IRX2: variants seen among roughly 807,000 people sequenced by gnomAD.
The protein encoded by IRX2 is iroquois-class homeodomain protein IRX-2.
A neutral mutation model predicts 42.9 loss-of-function variants in IRX2; 26 were observed. That is an observed-to-expected ratio of 0.61 (90% CI 0.44 to 0.84). The LOEUF is 0.84. IRX2 is among the 40% of genes least tolerant of loss of function. The pLI, the probability that IRX2 is intolerant of heterozygous loss-of-function variation, is 0.00. For synonymous variants in IRX2, 424 were observed against 353.9 expected (o/e 1.20, Z -2.22); for missense variants, 782 against 713.9 (o/e 1.10, Z -1.09).
chr5:2,751,157 C>G lies in IRX2; in HGVS notation c.249+8G>C, dbSNP rs1737951226. ...CAGGAGTCCCGCGTCCCGCCCGCGC[C>G]CGGTTACCATGTAGGACGGGAAGCC... On this transcript the variant is annotated splice_region_variant and intron_variant, in intron 1 of 3. Transcript: ENST00000302057. This position sits in a 1 kb window ranked among gnomAD's most constrained non-coding sequence, Gnocchi z 4.0. 1 of 1,242,538 alleles carries G rather than the reference C, an allele frequency of 8.0e-7. No individual in the cohort carries two copies. Among genetic ancestry groups the G allele is most frequent in the African/African-American group, 1.6e-5 (1 of 63,340 alleles). The allele number at this position is 1,242,538 out of a possible 1,614,324, so 77.0% of individuals were successfully genotyped here. A position where few individuals can be genotyped will look rare whatever the true frequency, so the allele number is the denominator to read the frequency against.
At chr5:2,749,241 C>T in intron 2 of IRX2, 141 bp downstream of exon 2, 1 of 1,437,056 alleles carries the variant, frequency 7.0e-7, no homozygotes, top group East Asian at 2.4e-5. Context: ...CAAATCCCGG[C>T]GACCCCAGGG....
downstream of IRX2, among the ~76,000 whole-genome samples, chr5:2,740,882 G>A (rs571376678): frequency 1.8e-3 from 267 of 152,322 alleles, 1 homozygote; most frequent in Middle Eastern, 6.8e-3. Context: ...TCTTGGAGCT[G>A]AGACCTCCTC....
At position 2,748,591 on chromosome 5, in the gene IRX2, G is replaced by T. The variant is rs775015331; in HGVS notation, c.1117C>A (p.Pro373Thr). Residue 373 changes from proline (P) to threonine (T), a missense_variant, in exon 3 of 4, where the codon CCT becomes ACT. Pro to Thr is a conservative substitution (Grantham distance 38). This residue lies in a region of IRX2 where 520 missense variants were observed against 437.8 expected (regional missense o/e 1.19). Transcript: ENST00000302057. ...GGGCGGCCCAGCAGCGGCGAGGCAG[G>T]GTAGGGCGAGCCTCCTGGCGGTGCC... ...TGAPPGGSPY[P>T]ASPLLGRPLY... 65 of 1,549,368 alleles carry T rather than the reference G, an allele frequency of 4.2e-5. No individual in the cohort carries two copies. The highest frequency in any genetic ancestry group is 4.5e-5 in the Non-Finnish European group (52 of 1,151,210).
At position 2,748,383 on chromosome 5, in the gene IRX2, T is replaced by G; in HGVS notation, c.1325A>C (p.His442Pro). The G allele has an allele frequency of 6.8e-6, 10 of 1,475,400 alleles. No individual in the cohort carries two copies. Among genetic ancestry groups the G allele is most frequent in the Non-Finnish European group, 8.9e-6 (10 of 1,119,074 alleles). The allele number at this position is 1,475,400 out of a possible 1,614,324, so 91.4% of individuals were successfully genotyped here. A position where few individuals can be genotyped will look rare whatever the true frequency, so the allele number is the denominator to read the frequency against. Residue 442 changes from histidine to proline, a missense_variant, in exon 3 of 4, where the codon CAC becomes CCC. Coordinates refer to ENST00000302057, the MANE Select transcript of IRX2 (RefSeq NM_033267.5). Reference protein sequence around the residue: ...GKAGAHPLESHYRSPGGGYEP... With the variant: ...GKAGAHPLESPYRSPGGGYEP... ...GTAGCCGCCGCCCGGGGACCGGTAG[T>G]GGGACTCGAGCGGGTGCGCGCCCGC...
rs141521193 is a variant in IRX2, at chr5:2,748,536, T to A, written c.1172A>T (p.Asn391Ile). Reference protein sequence around the residue: ...PLYYTSPFYGNYTNYGNLNAA... With the variant: ...PLYYTSPFYGIYTNYGNLNAA... ...GTTCAAGTTCCCGTAGTTTGTGTAG[T>A]TGCCGTAGAAGGGCGACGTGTAGTA... The change falls in exon 3 of 4, where the codon AAC becomes ATC. Residue 391 changes from asparagine (N) to isoleucine (I), a missense_variant. By Grantham distance (149) the Asn-to-Ile change is moderately radical. Around this residue, in one of 3 missense-constraint regions of IRX2, gnomAD observed 520 missense variants for 437.8 expected, o/e 1.19. Transcript: ENST00000302057. 7 of 1,579,214 alleles carry A rather than the reference T, an allele frequency of 4.4e-6. No homozygotes were observed. The highest frequency in any genetic ancestry group is 6.0e-6 in the Non-Finnish European group (7 of 1,163,994).
At chr5:2,748,237 C>T in intron 3 of IRX2, 108 bp downstream of exon 3, 4 of 1,013,662 alleles carry the variant, frequency 3.9e-6, no homozygotes, top group African/African-American at 1.7e-5. Context: ...CCAGGAGTGG[C>T]CCCCTGGATC....
intron 3 of IRX2, 21 bp from the exon 4 acceptor site, chr5:2,747,637 T>C: frequency 1.2e-6 from 2 of 1,613,176 alleles, no homozygotes; most frequent in Non-Finnish European, 1.7e-6. Flanking sequence ...AGTGGGCAGT[T>C]AGTCAGAACC....
chr5:2,749,941 C>G (rs1162788513), intron 1 of IRX2, among the ~76,000 whole-genome samples, 154 bp from the exon 2 acceptor site: 1 of 152,228 alleles, frequency 6.6e-6, no homozygotes, highest in Non-Finnish European at 1.5e-5. Context: ...AGGAAAAACG[C>G]AGTGTGATTC....
In IRX2 at chr5:2,746,549, A is replaced by T. The variant is rs1737670349; in HGVS notation, c.*1015T>A. The stretch of plus-strand genomic sequence containing the variant: ...CAGATTGTTTTCAAAAGTCACACAT[A>T]CATCGGGGAAACTATACTATGCCAA... On this transcript the variant is annotated 3_prime_UTR_variant, in exon 4 of 4. Transcript: ENST00000302057. The T allele has an allele frequency of 6.6e-6, 1 of 152,560 alleles. No individual in the cohort carries two copies. Among genetic ancestry groups the T allele is most frequent in the African/African-American group, 2.4e-5 (1 of 41,450 alleles). The allele number at this position is 152,560 out of a possible 1,614,324, so 9.5% of individuals were successfully genotyped here. A position where few individuals can be genotyped will look rare whatever the true frequency, so the allele number is the denominator to read the frequency against.
At position 2,749,795 on chromosome 5, in the gene IRX2, C is replaced by A; in HGVS notation, c.250-8G>T. 3 of 1,591,018 alleles carry A rather than the reference C, an allele frequency of 1.9e-6. No individual in the cohort carries two copies. The highest frequency in any genetic ancestry group is 2.3e-5 in the South Asian group (2 of 88,360). On this transcript the variant is annotated splice_region_variant and splice_polypyrimidine_tract_variant and intron_variant, in intron 1 of 3. Transcript: ENST00000302057. The stretch of plus-strand genomic sequence containing the variant: ...CGCGTCGTAGGGTGCGCCCTGGAAC[C>A]AACAAGAGCCTGTGAGTGGAGTATG...
In IRX2 at chr5:2,748,807, C is replaced by T. The variant is rs759903287; in HGVS notation, c.901G>A (p.Glu301Lys). The T allele has an allele frequency of 3.4e-6, 5 of 1,450,064 alleles. No individual in the cohort carries two copies. The South Asian group carries it at 4.2e-5, about 12-fold the overall frequency. The allele number at this position is 1,450,064 out of a possible 1,614,324, so 89.8% of individuals were successfully genotyped here. Reference protein sequence around the residue: ...LEAPLLSPPPEAAPRGGRKTP... With the variant: ...LEAPLLSPPPKAAPRGGRKTP... Reference sequence around the variant, plus strand: ...TTGCGGCCACCGCGGGGCGCGGCCTCGGGCGGGGGGCTCAGCAGCGGCGCC... The same window carrying T: ...TTGCGGCCACCGCGGGGCGCGGCCTTGGGCGGGGGGCTCAGCAGCGGCGCC... The change falls in exon 3 of 4, where the codon GAG becomes AAG. Residue 301 changes from glutamate (E) to lysine (K), a missense_variant. Around this residue, in one of 3 missense-constraint regions of IRX2, gnomAD observed 520 missense variants for 437.8 expected, o/e 1.19. Coordinates refer to ENST00000302057, the MANE Select transcript of IRX2 (RefSeq NM_033267.5).
downstream of IRX2, among the ~76,000 whole-genome samples, chr5:2,745,014 G>C (rs1222011742): frequency 1.3e-5 from 2 of 152,188 alleles, no homozygotes; most frequent in African/African-American, 4.8e-5. Context: ...AAAGCCACTA[G>C]AGAGAGATCC....
At chr5:2,741,714 T>C (rs1028691538), downstream of IRX2, among the ~76,000 whole-genome samples, 1 of 152,246 alleles carries the variant, frequency 6.6e-6, no homozygotes, top group Non-Finnish European at 1.5e-5. Context: ...TGTAGCATTG[T>C]GTTTTGTTTC....
At chr5:2,742,412 C>T (rs968577296), downstream of IRX2, among the ~76,000 whole-genome samples, 2 of 152,180 alleles carry the variant, frequency 1.3e-5, no homozygotes, top group Non-Finnish European at 2.9e-5. Context: ...GGATTTGTCA[C>T]TTGCATAAAG....
chr5:2,746,848 T>TA lies in IRX2; in HGVS notation c.*715dup, dbSNP rs1355652880. 9.3e-5 allele frequency: 14 copies of TA among 151,200 alleles called. No homozygotes were observed. Among genetic ancestry groups the TA allele is most frequent in the African/African-American group, 3.2e-4 (13 of 41,050 alleles). 9.4% of individuals were successfully genotyped at this position (151,200 alleles called of 1,614,324 possible). A position where few individuals can be genotyped will look rare whatever the true frequency, so the allele number is the denominator to read the frequency against. Reference sequence around the variant, plus strand: ...TTTCAGTTCCACAACAACACCATTATAAAAACGAGTTGATCTGAAGTGGTT... The same window carrying TA: ...TTTCAGTTCCACAACAACACCATTATAAAAAACGAGTTGATCTGAAGTGGTT... On this transcript the variant is annotated 3_prime_UTR_variant, in exon 4 of 4. Coordinates refer to ENST00000302057, the MANE Select transcript of IRX2 (RefSeq NM_033267.5).
downstream of IRX2, among the ~76,000 whole-genome samples, chr5:2,743,561 C>T (rs376304929): frequency 5.8e-5 from 7 of 120,674 alleles, no homozygotes; most frequent in Non-Finnish European, 1.1e-4. Context: ...CCCAGGCCTG[C>T]ACCCGCAGCA....
the IRX2 span, among the ~76,000 whole-genome samples, chr5:2,740,070 G>T: frequency 6.6e-6 from 1 of 152,262 alleles, no homozygotes; most frequent in South Asian, 2.1e-4. Flanking sequence ...CTATAAGGAG[G>T]CTTCGGAGGG....
At chr5:2,743,326 T>C (rs1737583696), downstream of IRX2, among the ~76,000 whole-genome samples, 1 of 152,116 alleles carries the variant, frequency 6.6e-6, no homozygotes, top group Non-Finnish European at 1.5e-5. Flanking sequence ...AATAACTCTT[T>C]TATTGGGAAC....
downstream of IRX2, among the ~76,000 whole-genome samples, chr5:2,741,141 A>G (rs1737530020): frequency 6.6e-6 from 1 of 152,244 alleles, no homozygotes. Context: ...TAAGGACTAA[A>G]AACAAAAGTT....
Sources: gnomAD v4.1 joint callset for allele counts (sites outside exome capture counted in the v4.1 genomes callset) on GRCh38, gnomAD v4.1.1 for gene constraint, gnomAD v4.1.1 regional missense constraint, Gnocchi (gnomAD v3.1) non-coding constraint, MANE v1.5 for transcripts, NCBI Gene and HGNC (gene_info 2026-07-23, HGNC 2026-07-21) for gene names.